ATP10B: variants seen among roughly 807,000 people sequenced by gnomAD.
ATP10B encodes the protein ATPase phospholipid transporting 10B (putative).
A neutral mutation model predicts 141.2 loss-of-function variants in ATP10B; 122 were observed. That is an observed-to-expected ratio of 0.86 (90% CI 0.75 to 1.00). ATP10B has a LOEUF of 1.00. Among genes scored for constraint, ATP10B ranks in the 50% least tolerant of loss-of-function variants. The pLI, the probability that ATP10B is intolerant of heterozygous loss-of-function variation, is 0.00. For missense variants in ATP10B, 1,876 were observed against 1,825.3 expected (o/e 1.03, Z -0.51); for synonymous variants, 685 against 692.0 (o/e 0.99, Z 0.16).
chr5:160,781,622 G>T (rs1007898690), intron 2 of ATP10B, among the ~76,000 whole-genome samples: 6 of 152,048 alleles, frequency 3.9e-5, no homozygotes, highest in Non-Finnish European at 7.4e-5. Flanking sequence ...TATGGAAAGA[G>T]AAAAAATATT....
At chr5:160,807,896 G>A (rs1772893657) in intron 1 of ATP10B, among the ~76,000 whole-genome samples, 1 of 152,196 alleles carries the variant, frequency 6.6e-6, no homozygotes, top group Non-Finnish European at 1.5e-5. Flanking sequence ...ACATATGGCT[G>A]ACTTCTACCT....
chr5:160,812,828 G>A (rs867787735), intron 1 of ATP10B, among the ~76,000 whole-genome samples: 10 of 152,276 alleles, frequency 6.6e-5, no homozygotes, highest in South Asian at 2.1e-4. Flanking sequence ...GAAGAGATAC[G>A]TGTAGATAGT....
At chr5:160,721,701 A>G (rs1652633212) in intron 2 of ATP10B, among the ~76,000 whole-genome samples, 1 of 152,212 alleles carries the variant, frequency 6.6e-6, no homozygotes, top group African/African-American at 2.4e-5. Context: ...AAGAAGAGCT[A>G]AAAGACAGAA....
At chr5:160,896,407 T>C in the ATP10B span, among the ~76,000 whole-genome samples, 3 of 152,118 alleles carry the variant, frequency 2.0e-5, no homozygotes, top group Non-Finnish European at 2.9e-5. Flanking sequence ...CAGAGAATAC[T>C]ATAAACACCT....
At chr5:160,778,451 A>G (rs543937182) in intron 2 of ATP10B, among the ~76,000 whole-genome samples, 3 of 152,212 alleles carry the variant, frequency 2.0e-5, no homozygotes, top group East Asian at 1.9e-4. Context: ...TCAAAAACTC[A>G]TAATAGAGCA....
At chr5:160,752,592 G>T (rs1011418670) in intron 2 of ATP10B, among the ~76,000 whole-genome samples, 1 of 152,098 alleles carries the variant, frequency 6.6e-6, no homozygotes, top group Non-Finnish European at 1.5e-5. Flanking sequence ...ATCATTAAAT[G>T]AATAGAGAAA....
chr5:160,805,487 C>A lies in ATP10B; in HGVS notation c.-575-19684G>T, dbSNP rs1772708115. 3.3e-5 allele frequency among the ~76,000 whole-genome samples: 5 copies of A among 152,212 alleles called. No homozygotes were observed. In the South Asian group the frequency reaches 1.0e-3, roughly 32 times the overall value. Reference sequence around the variant, plus strand: ...ATTTTAGAAATTGAACCAGAGCTGCCCAGAATGCTGTTAATTTCAGGTTTG... The same window carrying A: ...ATTTTAGAAATTGAACCAGAGCTGCACAGAATGCTGTTAATTTCAGGTTTG... On this transcript the variant is annotated intron_variant, in intron 1 of 25. Transcript: ENST00000327245.
chr5:160,764,731 A>AAG (rs1265836870), intron 2 of ATP10B, among the ~76,000 whole-genome samples: 3 of 152,212 alleles, frequency 2.0e-5, no homozygotes, highest in Non-Finnish European at 4.4e-5. Flanking sequence ...AGACAAAAGA[A>AAG]AGAGATAAAG....
chr5:160,826,674 C>A (rs1030609238), intron 1 of ATP10B, among the ~76,000 whole-genome samples: 2 of 152,108 alleles, frequency 1.3e-5, no homozygotes, highest in East Asian at 1.9e-4. Flanking sequence ...TATAAATGGA[C>A]ATGCAAGTAG....
In ATP10B at chr5:160,634,605, A is replaced by G; in HGVS notation, c.1130T>C (p.Val377Ala). Reference sequence around the variant, plus strand: ...GACATACAAAGAGATGGGGATCAGCACCTGAAAAGAGATGAGTTTCTACCA... The same window carrying G: ...GACATACAAAGAGATGGGGATCAGCGCCTGAAAAGAGATGAGTTTCTACCA... Reference protein sequence around the residue: ...MFLTMIILLQVLIPISLYVSI... With the variant: ...MFLTMIILLQALIPISLYVSI... The change falls in exon 12 of 26, where the codon GTG becomes GCG. Residue 377 changes from valine to alanine, a missense_variant and splice_region_variant. Coordinates refer to ENST00000327245, the MANE Select transcript of ATP10B (RefSeq NM_025153.3). The G allele has an allele frequency of 6.2e-7, 1 of 1,603,454 alleles. No homozygotes were observed. The highest frequency in any genetic ancestry group is 8.5e-7 in the Non-Finnish European group (1 of 1,174,244).
chr5:160,670,501 G>C lies in ATP10B; in HGVS notation c.637C>G (p.Leu213Val). The C allele has an allele frequency of 6.2e-7, 1 of 1,613,946 alleles. No individual in the cohort carries two copies. Among genetic ancestry groups the C allele is most frequent in the Admixed American group, 1.7e-5 (1 of 59,982 alleles). Residue 213 changes from leucine to valine, a missense_variant, in exon 7 of 26, where the codon CTC becomes GTC. By Grantham distance (32) the Leu-to-Val change is conservative (BLOSUM62 1). Transcript: ENST00000327245. The part of the protein sequence containing the change: ...ETASLDGETN[L>V]KQRCVVKGFS... ...CCCTTCACGACACATCTTTGCTTGA[G>C]GTTTGTCTCTCCATCCAAGCTGGCA... is the stretch of plus-strand genomic sequence containing the variant.
intron 3 of ATP10B, among the ~76,000 whole-genome samples, chr5:160,706,804 A>G (rs776804868): frequency 6.6e-6 from 1 of 152,116 alleles, no homozygotes; most frequent in Non-Finnish European, 1.5e-5. Context: ...CACCTGGGTG[A>G]TTTTTTCACT....
chr5:160,767,290 G>A (rs377455668), intron 2 of ATP10B, among the ~76,000 whole-genome samples: 85 of 152,174 alleles, frequency 5.6e-4, no homozygotes, highest in Admixed American at 1.3e-3. Context: ...AGGAAGTCAC[G>A]CTTTGGGCAA....
intron 1 of ATP10B, among the ~76,000 whole-genome samples, chr5:160,796,244 A>G (rs765482994): frequency 3.3e-5 from 5 of 152,142 alleles, no homozygotes; most frequent in Non-Finnish European, 7.4e-5. Context: ...TTTTCCAGCT[A>G]TCCACATCTT....
chr5:160,687,844 G>T lies in ATP10B; in HGVS notation c.231C>A (p.Thr77=). The change falls in exon 5 of 26, where the codon ACC becomes ACA. Residue 77 remains threonine, a synonymous_variant. Transcript: ENST00000327245. The part of the protein sequence containing the change: ...PGNRTCTTKY[T]LFTFLPRNLF... ...GATTCCGGGGCAGGAAGGTGAAGAG[G>T]GTGTATTTGGTTGTGCAGGTTCTGT... is the stretch of plus-strand genomic sequence containing the variant. The T allele has an allele frequency of 6.2e-7, 1 of 1,614,102 alleles. No individual in the cohort carries two copies. The highest frequency in any genetic ancestry group is 8.5e-7 in the Non-Finnish European group (1 of 1,180,014).
intron 2 of ATP10B, among the ~76,000 whole-genome samples, chr5:160,740,444 T>C (rs1261355062): frequency 6.6e-6 from 1 of 152,176 alleles, no homozygotes; most frequent in Non-Finnish European, 1.5e-5. Flanking sequence ...ACTGAAATTG[T>C]CAACTCTCCA....
rs117071844 is a variant in ATP10B at position 160,669,825 on chromosome 5, C to A, written c.675+638G>T. Among the ~76,000 whole-genome samples, 1,257 of 147,582 alleles carry A rather than the reference C, an allele frequency of 8.5e-3. 14 individuals are homozygous for A. Among genetic ancestry groups the A allele is most frequent in the East Asian group, 0.053 (264 of 4,988 alleles). ...CCATGTTGGCCAGGATGATCTGGAA[C>A]TCCTGGCCTCAAGTGATCTACCTGC... On this transcript the variant is annotated intron_variant, in intron 7 of 25. Transcript: ENST00000327245.
the ATP10B span, among the ~76,000 whole-genome samples, chr5:160,892,864 C>T: frequency 6.6e-6 from 1 of 152,132 alleles, no homozygotes; most frequent in African/African-American, 2.4e-5. Flanking sequence ...CTCACTGGGA[C>T]CAGTTAGACA....
chr5:160,760,920 T>G (rs1293580007), intron 2 of ATP10B, among the ~76,000 whole-genome samples: 1 of 152,058 alleles, frequency 6.6e-6, no homozygotes, highest in African/African-American at 2.4e-5. Context: ...AAACTGATGG[T>G]TTTTCTCTAC....
Sources: gnomAD v4.1 joint callset for allele counts (sites outside exome capture counted in the v4.1 genomes callset) on GRCh38, gnomAD v4.1.1 for gene constraint, MANE v1.5 for transcripts, NCBI Gene and HGNC (gene_info 2026-07-23, HGNC 2026-07-21) for gene names.